Variants in LSS observed in about 807,000 individuals in gnomAD.
The protein encoded by LSS is 2,3-epoxysqualene-lanosterol cyclase.
In LSS, 90 loss-of-function variants were observed where a neutral mutation model predicts 110.3. The observed-to-expected ratio is 0.82, with a 90% confidence interval of 0.69 to 0.97. LSS has a LOEUF of 0.97. LSS is among the 50% of genes least tolerant of loss of function. The pLI is 0.00. For missense variants in LSS, 927 were observed against 990.0 expected (o/e 0.94, Z 0.85); for synonymous variants, 433 against 400.0 (o/e 1.08, Z -0.98).
rs2080250226 is a variant in LSS at position 46,219,674 on chromosome 21, C to G, written c.551-102G>C. On this transcript the variant is annotated intron_variant, in intron 5 of 21. Transcript: ENST00000397728. The stretch of plus-strand genomic sequence containing the variant: ...CACCCTCTGGGAGTCACGTGTGCCC[C>G]TCTCCATGAGGCAAGGGCAGCCTCA... 6 of 654,632 alleles carry G rather than the reference C, an allele frequency of 9.2e-6. No individual in the cohort carries two copies. The South Asian group carries it at 1.4e-4, about 15-fold the overall frequency. The allele number at this position is 654,632 out of a possible 1,614,324, so 40.6% of individuals were successfully genotyped here. A position where few individuals can be genotyped will look rare whatever the true frequency, so the allele number is the denominator to read the frequency against.
At chr21:46,192,003 C>A in intron 20 of LSS, 44 bp from the exon 21 acceptor site, 2 of 1,388,836 alleles carry the variant, frequency 1.4e-6, no homozygotes, top group South Asian at 1.2e-5. Context: ...TGCATGCCCC[C>A]ACAGCATCAT....
At position 46,191,110 on chromosome 21, in the gene LSS, G is replaced by C. The variant is rs751438211; in HGVS notation, c.2193C>G (p.His731Gln). 1 of 1,614,134 alleles carries C rather than the reference G, an allele frequency of 6.2e-7. No homozygotes were observed. The highest frequency in any genetic ancestry group is 8.5e-7 in the Non-Finnish European group (1 of 1,180,030). The change falls in exon 22 of 22, where the codon CAC (histidine) becomes CAG (glutamine). Residue 731 changes from histidine to glutamine, a missense_variant. By Grantham distance (24) the His-to-Gln change is conservative. Coordinates refer to ENST00000397728, the MANE Select transcript of LSS (RefSeq NM_002340.6). The stretch of plus-strand genomic sequence containing the variant: ...CCAGCAGGTAGGCATGTTCTCAGGG[G>C]TGGCCAGCAAGGGCTCTCTCAGGGT... ...QLYPERALAGHP is the reference protein window; with the variant it reads ...QLYPERALAGQP
chr21:46,223,552 G>C lies in LSS; in HGVS notation c.320-814C>G, dbSNP rs187703537. On this transcript the variant is annotated intron_variant, in intron 3 of 21. Transcript: ENST00000397728. ...CGCCAAGGCAAGAGACCGAGGACAC[G>C]AGCTGTTCCAGTATAATAAAATATA... Among the ~76,000 whole-genome samples, 698 of 152,332 alleles carry C rather than the reference G, an allele frequency of 4.6e-3. 27 individuals are homozygous for C. The South Asian group carries it at 0.079, about 17-fold the overall frequency.
At chr21:46,214,489 G>GTGT (rs2080174108) in intron 9 of LSS, among the ~76,000 whole-genome samples, 1 of 152,236 alleles carries the variant, frequency 6.6e-6, no homozygotes, top group Non-Finnish European at 1.5e-5. Context: ...CCGAGATGCA[G>GTGT]TGTCAGGGTG....
At chr21:46,206,579 T>A (rs919225877) in intron 16 of LSS, 93 bp downstream of exon 16, 16 of 1,107,058 alleles carry the variant, frequency 1.4e-5, no homozygotes, top group Non-Finnish European at 2.0e-5. Context: ...CCTTGCAGCC[T>A]CGGGCAAGGG....
At chr21:46,211,510 C>G (rs538870677) in intron 11 of LSS, among the ~76,000 whole-genome samples, 5 of 152,146 alleles carry the variant, frequency 3.3e-5, no homozygotes, top group Non-Finnish European at 7.3e-5. Context: ...AATCTCACCC[C>G]GAGCTGGGCT....
chr21:46,197,750 A>G (rs904009943), intron 17 of LSS, among the ~76,000 whole-genome samples: 1 of 152,078 alleles, frequency 6.6e-6, no homozygotes, highest in Non-Finnish European at 1.5e-5. Context: ...TTAGCTGGGC[A>G]TGATGACAGG....
At chr21:46,194,067 C>T (rs573760953) in intron 20 of LSS, among the ~76,000 whole-genome samples, 2 of 152,250 alleles carry the variant, frequency 1.3e-5, no homozygotes, top group East Asian at 1.9e-4. Flanking sequence ...CATGCGTCTG[C>T]GTGTGTGTGC....
intron 20 of LSS, chr21:46,192,754 G>A (rs1370944667): frequency 4.5e-6 from 2 of 440,320 alleles, no homozygotes; most frequent in African/African-American, 4.6e-5. Flanking sequence ...GCATCTGCAT[G>A]TGTGTACACA....
In LSS at chr21:46,207,346, G is replaced by A. The variant is rs2080064468; in HGVS notation, c.1467+82C>T. ...CCTGGCCGGACTGTGTGCTGGGCTG[G>A]AGCCCACAGGAGTGGAAGTGAGCAC... On this transcript the variant is annotated intron_variant, in intron 15 of 21. Coordinates refer to ENST00000397728, the MANE Select transcript of LSS (RefSeq NM_002340.6). 2.0e-6 allele frequency: 3 copies of A among 1,510,524 alleles called. No homozygotes were observed. In the South Asian group the frequency reaches 3.7e-5, roughly 18 times the overall value. The allele number at this position is 1,510,524 out of a possible 1,614,324, so 93.6% of individuals were successfully genotyped here.
At chr21:46,198,849 A>AAAAAT (rs2079944292) in intron 17 of LSS, among the ~76,000 whole-genome samples, 1 of 151,806 alleles carries the variant, frequency 6.6e-6, no homozygotes, top group Non-Finnish European at 1.5e-5. Context: ...AAAAAAAAAA[A>AAAAAT]AAATCTAGAC....
In LSS at chr21:46,191,109, G is replaced by A; in HGVS notation, c.2194C>T (p.Pro732Ser). ...LYPERALAGH[P>S] ...CCCAGCAGGTAGGCATGTTCTCAGGGGTGGCCAGCAAGGGCTCTCTCAGGG... is the reference window on the plus strand; with the variant it reads ...CCCAGCAGGTAGGCATGTTCTCAGGAGTGGCCAGCAAGGGCTCTCTCAGGG... Residue 732 changes from proline (P) to serine (S), a missense_variant, in exon 22 of 22, where the codon CCC becomes TCC. Pro to Ser is a moderately conservative substitution (Grantham distance 74, BLOSUM62 -1). Coordinates refer to ENST00000397728, the MANE Select transcript of LSS (RefSeq NM_002340.6). The A allele has an allele frequency of 6.2e-7, 1 of 1,614,142 alleles. No homozygotes were observed. The highest frequency in any genetic ancestry group is 1.1e-5 in the South Asian group (1 of 91,090).
At position 46,189,534 on chromosome 21, in the gene LSS, T is replaced by C. The variant is rs556006445; in HGVS notation, c.*1570A>G. The C allele has an allele frequency of 2.6e-6, 1 of 387,314 alleles. No homozygotes were observed. Among genetic ancestry groups the C allele is most frequent in the South Asian group, 1.9e-5 (1 of 52,666 alleles). The allele number at this position is 387,314 out of a possible 1,614,324, so 24.0% of individuals were successfully genotyped here. A position where few individuals can be genotyped will look rare whatever the true frequency, so the allele number is the denominator to read the frequency against. On this transcript the variant is annotated 3_prime_UTR_variant, in exon 22 of 22. Transcript: ENST00000397728. ...CCCAAGGAGAGTCAGTGACAGCACATGGGGCAAGGGAGCTGGACAGAAGAC... is the reference window on the plus strand; with the variant it reads ...CCCAAGGAGAGTCAGTGACAGCACACGGGGCAAGGGAGCTGGACAGAAGAC...
chr21:46,227,339 T>TATG, intron 3 of LSS: 1 of 581,068 alleles, frequency 1.7e-6, no homozygotes, highest in African/African-American at 1.9e-5. Context: ...TTGCTTCTCT[T>TATG]ATCAGAGAGC....
chr21:46,195,563 AAAACAAACAAAC>A, intron 19 of LSS, 101 bp downstream of exon 19: 2 of 1,014,078 alleles, frequency 2.0e-6, no homozygotes, highest in South Asian at 1.4e-5. Context: ...CTCCGTCTCA[AAAACAAACAAAC>A]AAACAAACAA....
At position 46,196,162 on chromosome 21, in the gene LSS, T is replaced by C. The variant is rs1601415526; in HGVS notation, c.1736+40A>G. ...GTGTGTGAGAGCAGAAACCTGTGGA[T>C]CCCGTGCATCTCTGCACTCACGAGT... On this transcript the variant is annotated intron_variant, in intron 18 of 21. Coordinates refer to ENST00000397728, the MANE Select transcript of LSS (RefSeq NM_002340.6). The C allele has an allele frequency of 1.5e-5, 24 of 1,591,012 alleles. No homozygotes were observed. In the East Asian group the frequency reaches 5.4e-4, roughly 36 times the overall value.
At chr21:46,226,134 TC>T (rs1485030768) in intron 3 of LSS, among the ~76,000 whole-genome samples, 12 of 80,900 alleles carry the variant, frequency 1.5e-4, no homozygotes, top group African/African-American at 7.2e-4. Flanking sequence ...GAACGCTGTC[TC>T]AAAAAAAAAA....
chr21:46,195,989 C>T (rs1196800365), intron 18 of LSS, among the ~76,000 whole-genome samples: 1 of 152,250 alleles, frequency 6.6e-6, no homozygotes, highest in East Asian at 1.9e-4. Flanking sequence ...AGCCCGGCTG[C>T]GCCCAGCAAC....
In LSS at chr21:46,222,134, C is replaced by T. The variant is rs1209434363; in HGVS notation, c.429-159G>A. 3 of 714,814 alleles carry T rather than the reference C, an allele frequency of 4.2e-6. No individual in the cohort carries two copies. In the East Asian group the frequency reaches 8.2e-5, roughly 19 times the overall value. The allele number at this position is 714,814 out of a possible 1,614,324, so 44.3% of individuals were successfully genotyped here. On this transcript the variant is annotated intron_variant, in intron 4 of 21. Transcript: ENST00000397728. Reference sequence around the variant, plus strand: ...AGGAGACCCCTGAGCAGCCACTCTGCAGTACGAATTCATGCACCTCCCATG... The same window carrying T: ...AGGAGACCCCTGAGCAGCCACTCTGTAGTACGAATTCATGCACCTCCCATG...
Sources: allele counts gnomAD v4.1 joint callset (sites outside exome capture counted in the v4.1 genomes callset), GRCh38; gene constraint gnomAD v4.1.1; transcripts MANE v1.5; gene names NCBI Gene and HGNC (gene_info 2026-07-23, HGNC 2026-07-21).